Variants in FABP12 observed in about 807,000 individuals in gnomAD.
The protein encoded by FABP12 is fatty acid-binding protein 12.
In FABP12, 19 loss-of-function variants were observed where a neutral mutation model predicts 13.7. The ratio of observed to expected loss-of-function variants is 1.39; its 90% CI spans 0.97 to 2.04. FABP12 has a LOEUF of 2.04. FABP12 is among the 30% of genes most tolerant of loss of function. The pLI is 0.00. For missense variants in FABP12, 182 were observed against 164.2 expected, an observed-to-expected ratio of 1.11 and a Z score of -0.59; for synonymous variants, 61 against 57.0, an observed-to-expected ratio of 1.07 and a Z score of -0.32.
intron 1 of FABP12, among the ~76,000 whole-genome samples, chr8:81,577,258 C>T (rs1385776040): frequency 6.6e-6 from 1 of 152,134 alleles, no homozygotes; most frequent in African/African-American, 2.4e-5. Context: ...TTGACATACA[C>T]TGAACACAGA....
intron 1 of FABP12, among the ~76,000 whole-genome samples, chr8:81,580,891 T>G (rs1292791061): frequency 3.3e-5 from 5 of 152,106 alleles, no homozygotes; most frequent in Non-Finnish European, 7.4e-5. Flanking sequence ...TATAATAAAT[T>G]CAATTTTATT....
chr8:81,567,965 C>CA (rs752838316), intron 1 of FABP12, among the ~76,000 whole-genome samples: 55 of 151,178 alleles, frequency 3.6e-4, no homozygotes, highest in African/African-American at 5.4e-4. Flanking sequence ...ACTAAAAATA[C>CA]AAAAAAAATT....
Position 81,552,999 on chromosome 8 carries a change from C to T in FABP12, c.-184-13256G>A, listed in dbSNP as rs1388697468. 3.3e-5 allele frequency among the ~76,000 whole-genome samples: 5 copies of T among 152,082 alleles called. No individual in the cohort carries two copies. In the South Asian group the frequency reaches 6.2e-4, roughly 19 times the overall value. On this transcript the variant is annotated intron_variant, in intron 1 of 5. Transcript: ENST00000692030. Reference sequence around the variant, plus strand: ...GGGAGTGAGAACTCAGGAGAAAGTTCGGGGCTAGGGATTTGTGAATCTTTA... The same window carrying T: ...GGGAGTGAGAACTCAGGAGAAAGTTTGGGGCTAGGGATTTGTGAATCTTTA...
At chr8:81,570,332 G>T (rs1809905994) in intron 1 of FABP12, among the ~76,000 whole-genome samples, 1 of 152,232 alleles carries the variant, frequency 6.6e-6, no homozygotes, top group Non-Finnish European at 1.5e-5. Flanking sequence ...TCTTATAGCA[G>T]CTCTTTAAGC....
intron 1 of FABP12, among the ~76,000 whole-genome samples, chr8:81,555,956 T>G (rs1809607080): frequency 6.6e-6 from 1 of 152,204 alleles, no homozygotes; most frequent in Admixed American, 6.5e-5. Context: ...GAATATAGTT[T>G]GCGAGCATGT....
intron 1 of FABP12, among the ~76,000 whole-genome samples, chr8:81,587,354 A>G (rs1810255178): frequency 6.6e-6 from 1 of 152,186 alleles, no homozygotes; most frequent in Admixed American, 6.5e-5. Context: ...TGATAGAAAC[A>G]GCATTGAATC....
At position 81,568,348 on chromosome 8, in the gene FABP12, T is replaced by C. The variant is rs376474401; in HGVS notation, c.-185+21705A>G. ...AATAGATATTTCTCAAAAGAAGACATACAAATGGAAAACAGACATATAAAA... is the reference window on the plus strand; with the variant it reads ...AATAGATATTTCTCAAAAGAAGACACACAAATGGAAAACAGACATATAAAA... On this transcript the variant is annotated intron_variant, in intron 1 of 5. Coordinates refer to the FABP12 transcript ENST00000692030. Among the ~76,000 whole-genome samples, 25 of 152,170 alleles carry C rather than the reference T, an allele frequency of 1.6e-4. No homozygotes were observed. The East Asian group carries it at 4.6e-3, about 28-fold the overall frequency.
chr8:81,527,054 A>T (rs371573132), exon 4 of FABP12: 1 of 1,611,572 alleles, frequency 6.2e-7, no homozygotes, highest in Admixed American at 1.7e-5. Flanking sequence ...CTTTCTCGTT[A>T]TGGTGGTTTC....
At chr8:81,552,171 G>A (rs1809533124) in intron 1 of FABP12, among the ~76,000 whole-genome samples, 1 of 152,148 alleles carries the variant, frequency 6.6e-6, no homozygotes, top group Non-Finnish European at 1.5e-5. Context: ...TGACATTTAA[G>A]CAATAGCTTG....
rs891950694 is a variant in FABP12, at chr8:81,539,643, C to T, written c.-84G>A. Reference sequence around the variant, plus strand: ...TCTGTTTTAGAATTTCAGCAGACTGCTCACTGAAGGCTGCTCTTAGGGTTG... The same window carrying T: ...TCTGTTTTAGAATTTCAGCAGACTGTTCACTGAAGGCTGCTCTTAGGGTTG... On this transcript the variant is annotated 5_prime_UTR_variant, in exon 2 of 6. Coordinates refer to the FABP12 transcript ENST00000692030. 2.0e-5 allele frequency among the ~76,000 whole-genome samples: 3 copies of T among 152,146 alleles called. No homozygotes were observed. In the South Asian group the frequency reaches 6.2e-4, roughly 31 times the overall value.
intron 1 of FABP12, among the ~76,000 whole-genome samples, chr8:81,540,382 T>G (rs1809316744): frequency 6.6e-6 from 1 of 152,166 alleles, no homozygotes; most frequent in South Asian, 2.1e-4. Context: ...AACCACAGGA[T>G]CAAGTTTAAT....
intron 1 of FABP12, among the ~76,000 whole-genome samples, chr8:81,564,898 T>G (rs1415401520): frequency 1.3e-5 from 2 of 151,488 alleles, no homozygotes; most frequent in African/African-American, 4.8e-5. Context: ...ACTGTCTGAG[T>G]GGATTAAAAA....
In FABP12 at chr8:81,583,484, A is replaced by T. The variant is rs1343009484; in HGVS notation, c.-185+6569T>A. Among the ~76,000 whole-genome samples, 3 of 152,102 alleles carry T rather than the reference A, an allele frequency of 2.0e-5. No homozygotes were observed. In the East Asian group the frequency reaches 5.8e-4, roughly 29 times the overall value. ...GAAAAAAAGAAAGAATGCCCAAATA[A>T]ACATAATCAAAAATGAAAAAGGAGA... On this transcript the variant is annotated intron_variant, in intron 1 of 5. Coordinates refer to the FABP12 transcript ENST00000692030.
intron 1 of FABP12, among the ~76,000 whole-genome samples, chr8:81,549,951 C>T (rs1175206531): frequency 6.6e-6 from 1 of 152,130 alleles, no homozygotes; most frequent in Non-Finnish European, 1.5e-5. Context: ...TATGAATTTG[C>T]TTTAAAAATG....
rs1809881170 is a variant in FABP12 at position 81,569,200 on chromosome 8, A to G, written c.-185+20853T>C. Among the ~76,000 whole-genome samples, 4 of 152,228 alleles carry G rather than the reference A, an allele frequency of 2.6e-5. 1 individual carries two copies. In the South Asian group the frequency reaches 8.3e-4, roughly 32 times the overall value. On this transcript the variant is annotated intron_variant, in intron 1 of 5. Transcript: ENST00000692030. ...TAATAATTATACATTGTACACCTGAATCAAAATCTCATGTACCTCATAAAT... is the reference window on the plus strand; with the variant it reads ...TAATAATTATACATTGTACACCTGAGTCAAAATCTCATGTACCTCATAAAT...
Position 81,525,127 on chromosome 8 carries a change from G to T in FABP12, c.349-7C>A. On this transcript the variant is annotated splice_polypyrimidine_tract_variant and splice_region_variant and intron_variant, in intron 4 of 4. Coordinates refer to ENST00000360464, the Ensembl canonical transcript of FABP12. ...CACTGTTCACAGTACTTTCCTACAA[G>T]ACAAAAGAAATATGAGGTATTTCAG... 2 of 1,555,214 alleles carry T rather than the reference G, an allele frequency of 1.3e-6. No individual in the cohort carries two copies. Among genetic ancestry groups the T allele is most frequent in the Admixed American group, 1.8e-5 (1 of 54,596 alleles).
At chr8:81,577,878 C>T (rs977114874) in intron 1 of FABP12, among the ~76,000 whole-genome samples, 2 of 152,190 alleles carry the variant, frequency 1.3e-5, no homozygotes, top group African/African-American at 4.8e-5. Flanking sequence ...AAATCTTATT[C>T]CCAATATTCT....
At chr8:81,576,313 T>C (rs1810044455) in intron 1 of FABP12, among the ~76,000 whole-genome samples, 1 of 152,168 alleles carries the variant, frequency 6.6e-6, no homozygotes, top group Non-Finnish European at 1.5e-5. Context: ...AAAATATTCA[T>C]ATATATTTCT....
At chr8:81,589,212 C>T (rs1220758160) in intron 1 of FABP12, among the ~76,000 whole-genome samples, 1 of 152,122 alleles carries the variant, frequency 6.6e-6, no homozygotes, top group Non-Finnish European at 1.5e-5. Flanking sequence ...GAGGAATCTT[C>T]AAATTAAATT....
Sources: allele counts gnomAD v4.1 joint callset (sites outside exome capture counted in the v4.1 genomes callset), GRCh38; gene constraint gnomAD v4.1.1; transcripts MANE v1.5; gene names NCBI Gene and HGNC (gene_info 2026-07-23, HGNC 2026-07-21).